UGT1A9: variants seen among roughly 807,000 people sequenced by gnomAD.
UGT1A9 encodes UDP glucuronosyltransferase family 1 member A9.
UGT1A9 carries 35 observed loss-of-function variants against 45.0 expected under a neutral mutation model. The ratio of observed to expected loss-of-function variants is 0.78; its 90% CI spans 0.59 to 1.03. The LOEUF is 1.03. UGT1A9 is among the 50% of genes least tolerant of loss of function. UGT1A9 has a pLI of 0.00. For missense variants in UGT1A9, 687 were observed against 666.6 expected, an observed-to-expected ratio of 1.03 and a Z score of -0.34; for synonymous variants, 278 against 250.6, an observed-to-expected ratio of 1.11 and a Z score of -1.03.
chr2:233,713,210 C>T, intron 1 of UGT1A9: 1 of 1,614,238 alleles, frequency 6.2e-7, no homozygotes, highest in East Asian at 2.2e-5. Flanking sequence ...AAGAAGAGAA[C>T]TTTTTCACCC....
intron 1 of UGT1A9, among the ~76,000 whole-genome samples, chr2:233,750,063 C>T (rs556183809): frequency 6.6e-6 from 1 of 151,926 alleles, no homozygotes; most frequent in South Asian, 2.1e-4. Flanking sequence ...GACTTTGGAA[C>T]TGGGTAACAG....
chr2:233,760,575 G>C, intron 1 of UGT1A9: 1 of 1,614,226 alleles, frequency 6.2e-7, no homozygotes. Flanking sequence ...TTAGTCTCGG[G>C]CATAATGTTT....
intron 3 of UGT1A9, 42 bp downstream of exon 3, chr2:233,767,978 A>G: frequency 3.1e-6 from 5 of 1,614,204 alleles, no homozygotes; most frequent in Non-Finnish European, 4.2e-6. Flanking sequence ...ACCAGGGTCA[A>G]ATTAAGAAAA....
At chr2:233,688,204 T>C (rs762193312) in intron 1 of UGT1A9, among the ~76,000 whole-genome samples, 1 of 152,240 alleles carries the variant, frequency 6.6e-6, no homozygotes, top group African/African-American at 2.4e-5. Flanking sequence ...TTCTTTCACT[T>C]AGTTTTGTGG....
intron 1 of UGT1A9, among the ~76,000 whole-genome samples, chr2:233,715,165 C>T (rs971455001): frequency 3.9e-5 from 6 of 152,048 alleles, no homozygotes; most frequent in East Asian, 1.9e-4. Flanking sequence ...GAATTACAGG[C>T]GCGAGCCACC....
At chr2:233,740,990 G>A (rs1192365077) in intron 1 of UGT1A9, 1 of 151,728 alleles carries the variant, frequency 6.6e-6, no homozygotes, top group East Asian at 1.9e-4. Context: ...GGAATGCTGA[G>A]GAGGAAGGAT....
intron 1 of UGT1A9, chr2:233,682,401 T>G (rs760961250): frequency 6.2e-7 from 1 of 1,614,010 alleles, no homozygotes; most frequent in East Asian, 2.2e-5. Flanking sequence ...GCCTGTGGCT[T>G]AATTGTTGCC....
intron 1 of UGT1A9, among the ~76,000 whole-genome samples, chr2:233,692,665 T>C (rs2075108390): frequency 6.6e-6 from 1 of 152,170 alleles, no homozygotes; most frequent in African/African-American, 2.4e-5. Context: ...AAGTTCGGGA[T>C]AGAGAATTGG....
chr2:233,734,986 T>C (rs946842672), intron 1 of UGT1A9, among the ~76,000 whole-genome samples: 1 of 152,248 alleles, frequency 6.6e-6, no homozygotes, highest in Non-Finnish European at 1.5e-5. Context: ...AGAATGTATA[T>C]TCTCTTGACT....
At position 233,693,631 on chromosome 2, in the gene UGT1A9, G is replaced by T. The variant is rs17863783; in HGVS notation, c.855+20842G>T. The T allele has an allele frequency of 0.029, 47,294 of 1,614,074 alleles. 1,195 individuals are homozygous for T. Among genetic ancestry groups the T allele is most frequent in the African/African-American group, 0.12 (8,744 of 74,988 alleles). The stretch of plus-strand genomic sequence containing the variant: ...ACCACATGACTTTTTCCCAACGAGT[G>T]GCCAACTTCCTTGTTAATTTGTTGG... On this transcript the variant is annotated intron_variant, in intron 1 of 4. Coordinates refer to ENST00000354728, the MANE Select transcript of UGT1A9 (RefSeq NM_021027.3).
intron 1 of UGT1A9, chr2:233,755,161 C>A (rs1553619056): frequency 1.5e-6 from 2 of 1,292,236 alleles, no homozygotes; most frequent in East Asian, 4.6e-5. Context: ...TCCCTGTCCT[C>A]GGGGTTTTTG....
chr2:233,719,875 G>A (rs1258647724), intron 1 of UGT1A9, among the ~76,000 whole-genome samples: 1 of 152,206 alleles, frequency 6.6e-6, no homozygotes, highest in Non-Finnish European at 1.5e-5. Context: ...AGGAAGAAGA[G>A]GCACGGATGA....
At chr2:233,721,815 AC>A in intron 1 of UGT1A9, 1 of 515,300 alleles carries the variant, frequency 1.9e-6, no homozygotes. Context: ...AAAATCCAGC[AC>A]CCTATTTGGG....
chr2:233,743,981 G>T, intron 1 of UGT1A9: 1 of 1,297,886 alleles, frequency 7.7e-7, no homozygotes, highest in Non-Finnish European at 1.0e-6. Flanking sequence ...CAGCACCCAG[G>T]CGCAGGCCCG....
intron 1 of UGT1A9, among the ~76,000 whole-genome samples, chr2:233,759,016 T>G (rs1226235816): frequency 6.6e-6 from 1 of 152,208 alleles, no homozygotes; most frequent in Non-Finnish European, 1.5e-5. Context: ...TTAATTGAAT[T>G]TGCTTATCTA....
intron 1 of UGT1A9, among the ~76,000 whole-genome samples, chr2:233,759,343 G>T (rs548174363): frequency 1.3e-5 from 2 of 152,096 alleles, no homozygotes; most frequent in Non-Finnish European, 1.5e-5. Context: ...TCAGGTGAGC[G>T]CTGAAAATCT....
chr2:233,693,100 C>A (rs1292200749), intron 1 of UGT1A9: 2 of 1,614,114 alleles, frequency 1.2e-6, no homozygotes, highest in Non-Finnish European at 8.5e-7. Flanking sequence ...TGCTGGTGGT[C>A]CCTCAGGACG....
chr2:233,720,567 T>C (rs1348899395), intron 1 of UGT1A9, among the ~76,000 whole-genome samples: 1 of 152,160 alleles, frequency 6.6e-6, no homozygotes, highest in Non-Finnish European at 1.5e-5. Flanking sequence ...GTGGGATCTA[T>C]TCTTTTTCCA....
chr2:233,743,747 G>A (rs370175895), intron 1 of UGT1A9: 9 of 1,367,226 alleles, frequency 6.6e-6, no homozygotes, highest in African/African-American at 1.5e-5. Flanking sequence ...CTTGGCGTCC[G>A]ACAACACCTC....
Sources: gnomAD v4.1 joint callset for allele counts (sites outside exome capture counted in the v4.1 genomes callset) on GRCh38, gnomAD v4.1.1 for gene constraint, MANE v1.5 for transcripts, NCBI Gene and HGNC (gene_info 2026-07-23, HGNC 2026-07-21) for gene names.